The following ZNF318 variants were observed in gnomAD, a reference collection of about 807,000 sequenced individuals.
ZNF318 encodes endocrine regulator.
Under a neutral mutation model 124.2 loss-of-function variants are expected in ZNF318, and 51 were observed. The ratio of observed to expected loss-of-function variants is 0.41; its 90% CI spans 0.33 to 0.52. ZNF318 has a LOEUF of 0.52. Ranked by LOEUF, ZNF318 falls within the 20% of genes least tolerant of loss-of-function variation. ZNF318 has a pLI of 0.23. For missense variants in ZNF318, 2,815 were observed against 2,811.2 expected (o/e 1.00, Z -0.03); for synonymous variants, 1,090 against 1,040.7 (o/e 1.05, Z -0.91).
At chr6:43,354,200 T>C (rs929372043) in intron 4 of ZNF318, among the ~76,000 whole-genome samples, 1 of 152,240 alleles carries the variant, frequency 6.6e-6, no homozygotes, top group South Asian at 2.1e-4. Flanking sequence ...AAGCAAAGTT[T>C]ATTTCTTGGT....
chr6:43,360,297 T>C (rs1009041682), intron 2 of ZNF318, among the ~76,000 whole-genome samples: 1 of 152,182 alleles, frequency 6.6e-6, no homozygotes, highest in African/African-American at 2.4e-5. Flanking sequence ...AGCTATCACA[T>C]ACATATAGGC....
intron 2 of ZNF318, among the ~76,000 whole-genome samples, chr6:43,359,945 G>A (rs1281875975): frequency 1.3e-5 from 2 of 152,036 alleles, no homozygotes; most frequent in Non-Finnish European, 2.9e-5. Flanking sequence ...TTTCTCTATA[G>A]GTCTGTCAGC....
At chr6:43,367,501 G>A (rs1262855456) in intron 1 of ZNF318, among the ~76,000 whole-genome samples, 1 of 152,180 alleles carries the variant, frequency 6.6e-6, no homozygotes, top group Non-Finnish European at 1.5e-5. Flanking sequence ...AGTGATGGCA[G>A]GAGGATGGCA....
chr6:43,342,078 A>G, intron 8 of ZNF318, 34 bp downstream of exon 8: 3 of 1,592,280 alleles, frequency 1.9e-6, no homozygotes, highest in Non-Finnish European at 2.6e-6. Context: ...ACTGAATGTA[A>G]GGAAACCACA....
rs1779621431 is a variant in ZNF318 at position 43,357,240 on chromosome 6, T to C, written c.1074A>G (p.Leu358=). The C allele has an allele frequency of 2.5e-6, 4 of 1,614,034 alleles. No homozygotes were observed. Among genetic ancestry groups the C allele is most frequent in the Non-Finnish European group, 3.4e-6 (4 of 1,180,036 alleles). ...AAGAATATCCTGGCTCCGATGCTGTTAGGACACCTGACAATCCAGGGATGG... is the reference window on the plus strand; with the variant it reads ...AAGAATATCCTGGCTCCGATGCTGTCAGGACACCTGACAATCCAGGGATGG... ...GCSIPGLSGV[L]TASEPGYSLH... is the part of the protein sequence containing the mutation. The change falls in exon 3 of 10, where the codon CTA becomes CTG. Residue 358 remains leucine, a synonymous_variant. Coordinates refer to ENST00000361428, the MANE Select transcript of ZNF318 (RefSeq NM_014345.3).
chr6:43,356,130 T>G lies in ZNF318; in HGVS notation c.1204A>C (p.Ser402Arg). 6.2e-7 allele frequency: 1 copy of G among 1,610,800 alleles called. No individual in the cohort carries two copies. The highest frequency in any genetic ancestry group is 8.5e-7 in the Non-Finnish European group (1 of 1,178,894). Reference protein sequence around the residue: ...EPSMQLESFSSSTSSSQDHPL... With the variant: ...EPSMQLESFSRSTSSSQDHPL... The stretch of plus-strand genomic sequence containing the variant: ...TGATCCTGGCTGGAGCTGGTACTGC[T>G]GGAAAAACTCTCAAGCTGCAAAGAC... Residue 402 changes from serine (S) to arginine (R), a missense_variant, in exon 4 of 10, where the codon AGC becomes CGC. Transcript: ENST00000361428.
rs529917320 is a variant in ZNF318, at chr6:43,337,808, G to A, written c.6190C>T (p.Pro2064Ser). Residue 2064 changes from proline (P) to serine (S), a missense_variant, in exon 10 of 10, where the codon CCA (proline) becomes TCA (serine). Physicochemically the swap from Pro to Ser is moderately conservative, Grantham distance 74. Coordinates refer to ENST00000361428, the MANE Select transcript of ZNF318 (RefSeq NM_014345.3). ...GGAAACCCAGAAAAAGATGGGATTG[G>A]TTCGAAGTCAGCGGGATCGGAGGAA... ...CNSSDPADFEPIPSFSGFPLD... is the reference protein window; with the variant it reads ...CNSSDPADFESIPSFSGFPLD... 1 of 1,614,230 alleles carries A rather than the reference G, an allele frequency of 6.2e-7. No individual in the cohort carries two copies. Among genetic ancestry groups the A allele is most frequent in the South Asian group, 1.1e-5 (1 of 91,078 alleles).
In ZNF318 at chr6:43,354,790, C is replaced by T; in HGVS notation, c.2544G>A (p.Gln848=). 1 of 1,614,192 alleles carries T rather than the reference C, an allele frequency of 6.2e-7. No homozygotes were observed. The highest frequency in any genetic ancestry group is 1.1e-5 in the South Asian group (1 of 91,090). ...GAATTGAGCCTCGCAGAGACTCTTTCTGCTTAGGCTTATCAGGAGTCACAG... is the reference window on the plus strand; with the variant it reads ...GAATTGAGCCTCGCAGAGACTCTTTTTGCTTAGGCTTATCAGGAGTCACAG... ...IPTVTPDKPK[Q]KESLRGSIPA... The change falls in exon 4 of 10, where the codon CAG becomes CAA. Residue 848 remains glutamine (Q), a synonymous_variant. Coordinates refer to ENST00000361428, the MANE Select transcript of ZNF318 (RefSeq NM_014345.3).
rs778513414 is a variant in ZNF318 at position 43,354,686 on chromosome 6, T to C, written c.2648A>G (p.Asn883Ser). ...YNPEKISDEK[N>S]RASQKQKVIE... ...CACCTTTTGCTTCTGGGAAGCACGGTTCTTCTCATCAGAGATCTTCTCTGG... is the reference window on the plus strand; with the variant it reads ...CACCTTTTGCTTCTGGGAAGCACGGCTCTTCTCATCAGAGATCTTCTCTGG... Residue 883 changes from asparagine to serine, a missense_variant, in exon 4 of 10, where the codon AAC (asparagine) becomes AGC (serine). Coordinates refer to ENST00000361428, the MANE Select transcript of ZNF318 (RefSeq NM_014345.3). The C allele has an allele frequency of 8.1e-6, 13 of 1,609,422 alleles. No homozygotes were observed. The South Asian group carries it at 1.4e-4, about 18-fold the overall frequency.
chr6:43,347,573 T>C (rs1186513268), intron 6 of ZNF318, among the ~76,000 whole-genome samples: 3 of 151,770 alleles, frequency 2.0e-5, no homozygotes, highest in Non-Finnish European at 2.9e-5. Flanking sequence ...AAAGAAAAAG[T>C]TGGAAGGAGG....
At chr6:43,368,719 G>A (rs943501980) in intron 1 of ZNF318, 1 of 985,356 alleles carries the variant, frequency 1.0e-6, no homozygotes, top group Non-Finnish European at 1.2e-6. Context: ...CCCGGCATGA[G>A]AGAAACAGCC....
intron 8 of ZNF318, 104 bp from the exon 9 acceptor site, chr6:43,341,012 T>C (rs1362278149): frequency 3.7e-6 from 3 of 809,500 alleles, no homozygotes; most frequent in Non-Finnish European, 4.2e-6. Flanking sequence ...GGTTACAGTA[T>C]AGAGGGCCTT....
chr6:43,339,220 C>A lies in ZNF318; in HGVS notation c.4778G>T (p.Gly1593Val). Residue 1593 changes from glycine (G) to valine (V), a missense_variant, in exon 10 of 10, where the codon GGT becomes GTT. Gly to Val is a moderately radical substitution (Grantham distance 109, BLOSUM62 -3). Around this residue, in one of 4 missense-constraint regions of ZNF318, gnomAD observed 927 missense variants for 820.6 expected, o/e 1.13. Coordinates refer to ENST00000361428, the MANE Select transcript of ZNF318 (RefSeq NM_014345.3). This position sits in a 1 kb window ranked among gnomAD's most constrained non-coding sequence, Gnocchi z 4.2. ...TKGAPETKLS[G>V]GPLANGENSN... The stretch of plus-strand genomic sequence containing the variant: ...ATTTTCCCCATTGGCCAATGGACCA[C>A]CACTTAGCTTAGTCTCAGGGGCCCC... 1 of 1,614,208 alleles carries A rather than the reference C, an allele frequency of 6.2e-7. No homozygotes were observed. The highest frequency in any genetic ancestry group is 1.1e-5 in the South Asian group (1 of 91,082).
chr6:43,349,348 A>G (rs1779496408), intron 5 of ZNF318, among the ~76,000 whole-genome samples: 1 of 150,544 alleles, frequency 6.6e-6, no homozygotes, highest in African/African-American at 2.4e-5. Flanking sequence ...CACTTTAACA[A>G]CTTCTTCAAT....
chr6:43,356,179 G>A (rs41281796), intron 3 of ZNF318, 34 bp from the exon 4 acceptor site: 155,546 of 1,574,850 alleles, frequency 0.099, 8,379 homozygotes, highest in Non-Finnish European at 0.11. Context: ...TTAGTCTTAT[G>A]CAGAATCTCA....
rs191226687 is a variant in ZNF318 at position 43,353,495 on chromosome 6, C to A, written c.2671-1019G>T. ...GTTCAAGCAATTCTCCTGCCACAGC[C>A]TCCTGAGTAGCTGGGACTACAGGCG... is the stretch of plus-strand genomic sequence containing the variant. On this transcript the variant is annotated intron_variant, in intron 4 of 9. Transcript: ENST00000361428. 8.6e-4 allele frequency among the ~76,000 whole-genome samples: 131 copies of A among 152,180 alleles called. 1 individual carries two copies. In the East Asian group the frequency reaches 0.023, roughly 27 times the overall value.
intron 7 of ZNF318, 56 bp from the exon 8 acceptor site, chr6:43,342,267 C>T (rs1277748515): frequency 7.1e-7 from 1 of 1,409,326 alleles, no homozygotes; most frequent in Non-Finnish European, 9.7e-7. Flanking sequence ...CAATGACCCA[C>T]TTTTCTCTTT....
intron 2 of ZNF318, among the ~76,000 whole-genome samples, chr6:43,362,101 C>A (rs543176499): frequency 1.3e-4 from 20 of 151,458 alleles, no homozygotes; most frequent in Non-Finnish European, 2.5e-4. Context: ...AGAGGCTACA[C>A]TAAGCTATGA....
chr6:43,355,120 G>T lies in ZNF318; in HGVS notation c.2214C>A (p.Val738=), dbSNP rs1581646825. 1 of 1,614,200 alleles carries T rather than the reference G, an allele frequency of 6.2e-7. No individual in the cohort carries two copies. Among genetic ancestry groups the T allele is most frequent in the East Asian group, 2.2e-5 (1 of 44,884 alleles). The change falls in exon 4 of 10, where the codon GTC becomes GTA. Residue 738 remains valine, a synonymous_variant. Transcript: ENST00000361428. ...VGSGFQSSVA[V]RCMLPSAPSA... ...ATGGGGCTGATGGCAACATGCACCT[G>T]ACTGCAACAGATGACTGAAACCCAC...
Sources: gnomAD v4.1 joint callset for allele counts (sites outside exome capture counted in the v4.1 genomes callset) on GRCh38, gnomAD v4.1.1 for gene constraint, gnomAD v4.1.1 regional missense constraint, Gnocchi (gnomAD v3.1) non-coding constraint, MANE v1.5 for transcripts, NCBI Gene and HGNC (gene_info 2026-07-23, HGNC 2026-07-21) for gene names.